MMEL1: variants seen among roughly 807,000 people sequenced by gnomAD.
MMEL1 encodes the protein membrane metallo-endopeptidase-like 1.
Under a neutral mutation model 117.1 loss-of-function variants are expected in MMEL1, and 98 were observed. That is an observed-to-expected ratio of 0.84 (90% CI 0.71 to 0.99). The LOEUF is 0.99. Ranked by LOEUF, MMEL1 falls within the 50% of genes least tolerant of loss-of-function variation. MMEL1 has a pLI of 0.00. For missense variants in MMEL1, 1,014 were observed against 1,049.1 expected (o/e 0.97, Z 0.46); for synonymous variants, 390 against 415.1 (o/e 0.94, Z 0.74).
intron 1 of MMEL1, among the ~76,000 whole-genome samples, chr1:2,632,060 A>G (rs1638614678): frequency 6.6e-6 from 1 of 151,566 alleles, no homozygotes; most frequent in Non-Finnish European, 1.5e-5. Flanking sequence ...CCCTCCCCTT[A>G]CCCTCAGGCA....
rs1644810324 is a variant in MMEL1, at chr1:2,595,003, C to G, written c.1585-110G>C. 1.1e-6 allele frequency: 1 copy of G among 903,924 alleles called. No homozygotes were observed. The highest frequency in any genetic ancestry group is 1.7e-6 in the Non-Finnish European group (1 of 572,954). 56.0% of individuals were successfully genotyped at this position (903,924 alleles called of 1,614,324 possible). On this transcript the variant is annotated intron_variant, in intron 16 of 23. Transcript: ENST00000378412. This position sits in a 1 kb window ranked among gnomAD's most constrained non-coding sequence, Gnocchi z 4.8. ...GACCTCAAGCCTTGCCAGGCGTCCG[C>G]ACGTGGACAGTCGGCTGTGGGTGCA...
At chr1:2,599,413 T>C (rs1311153507) in intron 11 of MMEL1, among the ~76,000 whole-genome samples, 3 of 152,244 alleles carry the variant, frequency 2.0e-5, no homozygotes, top group African/African-American at 7.2e-5. Context: ...ATTCAAGGAA[T>C]ACAAGTTTGG....
At position 2,591,620 on chromosome 1, in the gene MMEL1, G is replaced by A; in HGVS notation, c.2177C>T (p.Ser726Phe). 1 of 1,509,030 alleles carries A rather than the reference G, an allele frequency of 6.6e-7. No individual in the cohort carries two copies. The highest frequency in any genetic ancestry group is 9.0e-7 in the Non-Finnish European group (1 of 1,117,312). 93.5% of individuals were successfully genotyped at this position (1,509,030 alleles called of 1,614,324 possible). Residue 726 changes from serine to phenylalanine, a missense_variant, in exon 23 of 24, where the codon TCC becomes TTC. Coordinates refer to ENST00000378412, the MANE Select transcript of MMEL1 (RefSeq NM_033467.4). ...TTGGATGGCGAACTCGGGCCGGTAGGACCCGCACCACACCTGTGGGCATGT... is the reference window on the plus strand; with the variant it reads ...TTGGATGGCGAACTCGGGCCGGTAGAACCCGCACCACACCTGTGGGCATGT... Reference protein sequence around the residue: ...FINYAQVWCGSYRPEFAIQSI... With the variant: ...FINYAQVWCGFYRPEFAIQSI...
chr1:2,623,177 A>C (rs1325361632), intron 2 of MMEL1, among the ~76,000 whole-genome samples: 1 of 152,190 alleles, frequency 6.6e-6, no homozygotes, highest in South Asian at 2.1e-4. Context: ...AAAAAAAAAA[A>C]AACCAAGTTC....
At chr1:2,627,600 G>C (rs765238803) in intron 2 of MMEL1, among the ~76,000 whole-genome samples, 1 of 151,836 alleles carries the variant, frequency 6.6e-6, no homozygotes, top group Non-Finnish European at 1.5e-5. Flanking sequence ...CATAAACCAT[G>C]GTTTCTGACA....
chr1:2,618,845 C>T (rs978509365), intron 2 of MMEL1, among the ~76,000 whole-genome samples: 1 of 152,092 alleles, frequency 6.6e-6, no homozygotes, highest in African/African-American at 2.4e-5. Context: ...ACAGCAAAAC[C>T]AGAACCCCAA....
At chr1:2,594,981 C>T (rs2100929258) in intron 16 of MMEL1, 88 bp from the exon 17 acceptor site, 1 of 1,171,284 alleles carries the variant, frequency 8.5e-7, no homozygotes, top group Non-Finnish European at 1.2e-6. Flanking sequence ...GGGGAAGGAC[C>T]TCAAGCCTTG....
intron 6 of MMEL1, among the ~76,000 whole-genome samples, chr1:2,608,063 C>T (rs1244813096): frequency 1.3e-5 from 2 of 152,090 alleles, no homozygotes; most frequent in South Asian, 2.1e-4. Flanking sequence ...TAAGTAAAGG[C>T]GAGGACACAG....
At chr1:2,592,129 T>C in intron 21 of MMEL1, 102 bp from the exon 22 acceptor site, 1 of 913,274 alleles carries the variant, frequency 1.1e-6, no homozygotes, top group Non-Finnish European at 1.7e-6. Flanking sequence ...GACCTACCCC[T>C]GTGGGGGTCC....
At position 2,629,383 on chromosome 1, in the gene MMEL1, C is replaced by A; in HGVS notation, c.102G>T (p.Leu34=). 6 of 1,538,180 alleles carry A rather than the reference C, an allele frequency of 3.9e-6. No homozygotes were observed. Among genetic ancestry groups the A allele is most frequent in the Non-Finnish European group, 4.4e-6 (5 of 1,140,956 alleles). The change falls in exon 2 of 24, where the codon CTG becomes CTT. Residue 34 remains leucine (L), a synonymous_variant. Transcript: ENST00000378412. The part of the protein sequence containing the change: ...FLEGGLLLLL[L]LVTAALVALG... Reference sequence around the variant, plus strand: ...AGGCCACCAGGGCAGCGGTCACCAGCAGCAGCAGCAGCAGCAGCCCCCCCT... The same window carrying A: ...AGGCCACCAGGGCAGCGGTCACCAGAAGCAGCAGCAGCAGCAGCCCCCCCT...
chr1:2,602,652 C>T (rs946123635), intron 11 of MMEL1, among the ~76,000 whole-genome samples: 3 of 152,200 alleles, frequency 2.0e-5, no homozygotes, highest in East Asian at 1.9e-4. Flanking sequence ...CCACTCCTCT[C>T]GGGCAGAGTC....
rs1570650576 is a variant in MMEL1 at position 2,595,005 on chromosome 1, C to A, written c.1585-112G>T. On this transcript the variant is annotated intron_variant, in intron 16 of 23. Transcript: ENST00000378412. This position sits in a 1 kb window ranked among gnomAD's most constrained non-coding sequence, Gnocchi z 4.8. Reference sequence around the variant, plus strand: ...CCTCAAGCCTTGCCAGGCGTCCGCACGTGGACAGTCGGCTGTGGGTGCAGG... The same window carrying A: ...CCTCAAGCCTTGCCAGGCGTCCGCAAGTGGACAGTCGGCTGTGGGTGCAGG... 1.2e-6 allele frequency: 1 copy of A among 867,710 alleles called. No homozygotes were observed. Among genetic ancestry groups the A allele is most frequent in the South Asian group, 1.6e-5 (1 of 63,158 alleles). 53.8% of individuals were successfully genotyped at this position (867,710 alleles called of 1,614,324 possible).
chr1:2,609,308 C>A, intron 6 of MMEL1, 31 bp downstream of exon 6: 1 of 1,595,522 alleles, frequency 6.3e-7, no homozygotes. Context: ...CCGTCCCCTG[C>A]CTCGGCCCCT....
chr1:2,616,998 T>C (rs569170367), intron 2 of MMEL1, among the ~76,000 whole-genome samples: 1 of 152,304 alleles, frequency 6.6e-6, no homozygotes, highest in South Asian at 2.1e-4. Context: ...GCTAGGCATG[T>C]TTTTTCCGTG....
At chr1:2,591,426 C>T (rs1644702414) in intron 23 of MMEL1, 131 bp downstream of exon 23, 2 of 765,546 alleles carry the variant, frequency 2.6e-6, no homozygotes, top group Admixed American at 2.0e-5. Flanking sequence ...CCAGAAGCCC[C>T]TCTCAGGTTT....
intron 4 of MMEL1, 133 bp downstream of exon 4, chr1:2,611,148 C>G: frequency 3.5e-6 from 3 of 867,700 alleles, no homozygotes; most frequent in Admixed American, 2.6e-5. Context: ...GAGTCCGAGT[C>G]CGGCCCACCC....
chr1:2,630,836 G>A (rs1557566245), intron 1 of MMEL1, among the ~76,000 whole-genome samples: 1 of 150,176 alleles, frequency 6.7e-6, no homozygotes, highest in Admixed American at 6.6e-5. Context: ...GATTATGTGC[G>A]TGGATATGCA....
chr1:2,606,126 G>T, intron 8 of MMEL1, 122 bp downstream of exon 8: 1 of 755,524 alleles, frequency 1.3e-6, no homozygotes, highest in Non-Finnish European at 2.3e-6. Context: ...GGAGCCAGGA[G>T]CCCAGGTCCC....
Position 2,603,947 on chromosome 1 carries a change from G to A in MMEL1, c.978C>T (p.His326=), listed in dbSNP as rs748484240. ...TCCGGTGGTACAAGGCGATGACGTC[G>A]TGTCTCTCCTCCTGGGGTACCGTGG... ...AKATVPQEER[H]DVIALYHRMG... is the part of the protein sequence containing the mutation. Residue 326 remains histidine (H), a synonymous_variant, in exon 11 of 24, where the codon CAC becomes CAT. Coordinates refer to ENST00000378412, the MANE Select transcript of MMEL1 (RefSeq NM_033467.4). The A allele has an allele frequency of 8.1e-6, 13 of 1,613,756 alleles. No individual in the cohort carries two copies. The highest frequency in any genetic ancestry group is 4.0e-5 in the African/African-American group (3 of 74,908).
Sources: gnomAD v4.1 joint callset for allele counts (sites outside exome capture counted in the v4.1 genomes callset) on GRCh38, gnomAD v4.1.1 for gene constraint, Gnocchi (gnomAD v3.1) non-coding constraint, MANE v1.5 for transcripts, NCBI Gene and HGNC (gene_info 2026-07-23, HGNC 2026-07-21) for gene names.